The following ATRNL1 variants were observed in gnomAD, a reference collection of about 807,000 sequenced individuals.
ATRNL1 encodes attractin like 1.
A neutral mutation model predicts 182.7 loss-of-function variants in ATRNL1; 95 were observed. The ratio of observed to expected loss-of-function variants is 0.52; its 90% confidence interval spans 0.44 to 0.62. ATRNL1 has a LOEUF of 0.62. Among genes scored for constraint, ATRNL1 ranks in the 20% least tolerant of loss-of-function variants. The probability of loss-of-function intolerance (pLI) is 0.00; values close to 1 mark genes in which losing one functional copy is unlikely to be tolerated. For synonymous variants in ATRNL1, 576 were observed against 568.3 expected (o/e 1.01, Z -0.19); for missense variants, 1,471 against 1,679.5 (o/e 0.88, Z 2.17).
chr10:115,841,499 G>A (rs1185979891), intron 27 of ATRNL1, among the ~76,000 whole-genome samples: 1 of 152,100 alleles, frequency 6.6e-6, no homozygotes, highest in African/African-American at 2.4e-5. Flanking sequence ...GAAGTTTACG[G>A]TTGGAATACC....
chr10:115,173,200 A>G (rs1554886057), intron 8 of ATRNL1, among the ~76,000 whole-genome samples: 2 of 152,002 alleles, frequency 1.3e-5, no homozygotes, highest in African/African-American at 4.8e-5. Flanking sequence ...ACGTTGAGGC[A>G]GATGTGTGGC....
chr10:115,787,230 T>C (rs1465807928), intron 27 of ATRNL1, among the ~76,000 whole-genome samples: 1 of 152,152 alleles, frequency 6.6e-6, no homozygotes, highest in Non-Finnish European at 1.5e-5. Flanking sequence ...TGATTGAAGG[T>C]CATTCTTTAA....
chr10:115,699,729 C>A (rs1946673342), intron 26 of ATRNL1, among the ~76,000 whole-genome samples: 1 of 151,904 alleles, frequency 6.6e-6, no homozygotes, highest in Non-Finnish European at 1.5e-5. Flanking sequence ...GATACATATG[C>A]AGGTTTCTTA....
chr10:115,596,799 T>G, intron 26 of ATRNL1, among the ~76,000 whole-genome samples: 1 of 152,182 alleles, frequency 6.6e-6, no homozygotes, highest in East Asian at 1.9e-4. Context: ...ATAAATCCAT[T>G]TATTTTTAAG....
At chr10:115,250,207 A>G (rs1564850976) in intron 10 of ATRNL1, among the ~76,000 whole-genome samples, 1 of 152,260 alleles carries the variant, frequency 6.6e-6, no homozygotes, top group East Asian at 1.9e-4. Context: ...TCTTAGGGTT[A>G]TTGGTAACAG....
intron 27 of ATRNL1, among the ~76,000 whole-genome samples, chr10:115,745,217 G>C (rs1430636356): frequency 6.6e-6 from 1 of 151,806 alleles, no homozygotes; most frequent in Non-Finnish European, 1.5e-5. Context: ...TCCGCCTCCC[G>C]GGGAACCATA....
At chr10:115,772,588 A>G (rs957074276) in intron 27 of ATRNL1, among the ~76,000 whole-genome samples, 16 of 76,676 alleles carry the variant, frequency 2.1e-4, no homozygotes, top group African/African-American at 6.3e-4. Flanking sequence ...TACAAAATAT[A>G]TACTCTGTCT....
At position 115,188,281 on chromosome 10, in the gene ATRNL1, A is replaced by C. The variant is rs1229554665; in HGVS notation, c.1348+16989A>C. Among the ~76,000 whole-genome samples, 7 of 152,220 alleles carry C rather than the reference A, an allele frequency of 4.6e-5. No homozygotes were observed. In the East Asian group the frequency reaches 1.4e-3, roughly 29 times the overall value. ...TGTTTTTTCATATTTGGTTATGTGG[A>C]ATATATGTTTAACTGAAGATTTTAA... On this transcript the variant is annotated intron_variant, in intron 8 of 28. Transcript: ENST00000355044.
chr10:115,717,286 A>G lies in ATRNL1; in HGVS notation c.3796-9962A>G, dbSNP rs77090138. Among the ~76,000 whole-genome samples, 1,051 of 152,266 alleles carry G rather than the reference A, an allele frequency of 6.9e-3. 13 individuals are homozygous for G. Among genetic ancestry groups the G allele is most frequent in the African/African-American group, 0.024 (980 of 41,566 alleles). On this transcript the variant is annotated intron_variant, in intron 26 of 28. Transcript: ENST00000355044. ...CCAGGCTAATTCTAACACCATAGGA[A>G]TGGACTGTCTGAGATATACAAAGAA...
At chr10:115,143,168 A>G (rs564108362) in intron 5 of ATRNL1, among the ~76,000 whole-genome samples, 36 of 152,328 alleles carry the variant, frequency 2.4e-4, no homozygotes, top group Non-Finnish European at 4.6e-4. Context: ...CCAAAGACTG[A>G]ACTGTGGGTC....
chr10:115,906,936 G>T (rs1265215204), intron 28 of ATRNL1, among the ~76,000 whole-genome samples: 1 of 122,704 alleles, frequency 8.1e-6, no homozygotes, highest in Non-Finnish European at 1.5e-5. Context: ...TATCCGAAAT[G>T]CTTCAATGAG....
At chr10:115,309,057 G>A (rs1439159870) in intron 17 of ATRNL1, among the ~76,000 whole-genome samples, 4 of 152,072 alleles carry the variant, frequency 2.6e-5, no homozygotes, top group African/African-American at 9.7e-5. Flanking sequence ...CAAAAAATCA[G>A]TTGGTTGTAA....
rs59256867 is a variant in ATRNL1, at chr10:115,403,257, C to CTTTTTTTTTTTTTTTTTTTTT, written c.3269+8524_3269+8525insTTTTTTTTTTTTTTTTTTTTT. On this transcript the variant is annotated intron_variant, in intron 20 of 28. Transcript: ENST00000355044. The stretch of plus-strand genomic sequence containing the variant: ...CTTTATTTTTCCTAATTACTCTCAT[C>CTTTTTTTTTTTTTTTTTTTTT]TTTTTTTTTTTTTTTTTTTAGTCTG... Among the ~76,000 whole-genome samples, 47 of 107,422 alleles carry CTTTTTTTTTTTTTTTTTTTTT rather than the reference C, an allele frequency of 4.4e-4. 3 individuals are homozygous for CTTTTTTTTTTTTTTTTTTTTT. Among genetic ancestry groups the CTTTTTTTTTTTTTTTTTTTTT allele is most frequent in the African/African-American group, 2.2e-3 (44 of 20,384 alleles). 70.5% of individuals were successfully genotyped at this position (107,422 alleles called of 152,430 possible).
chr10:115,101,707 A>T (rs1843775403), intron 1 of ATRNL1, among the ~76,000 whole-genome samples: 1 of 152,182 alleles, frequency 6.6e-6, no homozygotes, highest in Admixed American at 6.6e-5. Flanking sequence ...TGCTGGCCTC[A>T]TATAATGAGC....
At chr10:115,182,986 G>A (rs1592223961) in intron 8 of ATRNL1, among the ~76,000 whole-genome samples, 1 of 151,412 alleles carries the variant, frequency 6.6e-6, no homozygotes, top group Non-Finnish European at 1.5e-5. Context: ...AATACAGCCC[G>A]ATTATAGAGA....
At chr10:115,645,010 T>TC (rs1222658279) in intron 26 of ATRNL1, among the ~76,000 whole-genome samples, 1 of 152,098 alleles carries the variant, frequency 6.6e-6, no homozygotes, top group Non-Finnish European at 1.5e-5. Flanking sequence ...TGACATTCAT[T>TC]CCCAGTTGAG....
intron 24 of ATRNL1, among the ~76,000 whole-genome samples, chr10:115,491,945 G>A (rs1275326904): frequency 7.9e-5 from 12 of 152,114 alleles, no homozygotes; most frequent in African/African-American, 2.9e-4. Context: ...TATTTGGCCT[G>A]GAGTGCGCTG....
intron 18 of ATRNL1, among the ~76,000 whole-genome samples, chr10:115,332,849 A>T (rs1554935473): frequency 2.0e-5 from 3 of 151,872 alleles, no homozygotes; most frequent in Admixed American, 2.0e-4. Context: ...TCAATGTTCC[A>T]TATACATATT....
At chr10:115,688,284 G>A (rs781790632) in intron 26 of ATRNL1, among the ~76,000 whole-genome samples, 18 of 152,116 alleles carry the variant, frequency 1.2e-4, no homozygotes, top group Admixed American at 7.9e-4. Flanking sequence ...AACCATGTGA[G>A]TCCAGGTATC....
Sources: allele counts gnomAD v4.1 joint callset (sites outside exome capture counted in the v4.1 genomes callset), GRCh38; gene constraint gnomAD v4.1.1; transcripts MANE v1.5; gene names NCBI Gene and HGNC (gene_info 2026-07-23, HGNC 2026-07-21).